The following MAML1 variants were observed in gnomAD, a reference collection of about 807,000 sequenced individuals.
MAML1 encodes mastermind-like protein 1.
A neutral mutation model predicts 77.1 loss-of-function variants in MAML1; 14 were observed. The observed-to-expected ratio is 0.18, with a 90% CI of 0.12 to 0.28. The LOEUF is 0.28. MAML1 is among the 10% of genes least tolerant of loss of function. The pLI is 1.00. For synonymous variants in MAML1, 516 were observed against 551.9 expected, an observed-to-expected ratio of 0.93 and a Z score of 0.91; for missense variants, 1,217 against 1,327.8, an observed-to-expected ratio of 0.92 and a Z score of 1.30.
At chr5:179,758,016 AAC>A (rs1779655320) in intron 1 of MAML1, among the ~76,000 whole-genome samples, 1 of 152,218 alleles carries the variant, frequency 6.6e-6, no homozygotes, top group Non-Finnish European at 1.5e-5. Context: ...AATTACGTAA[AAC>A]ACAGTCATTG....
chr5:179,738,882 G>C (rs1349279222), intron 1 of MAML1, among the ~76,000 whole-genome samples: 1 of 151,942 alleles, frequency 6.6e-6, no homozygotes, highest in Non-Finnish European at 1.5e-5. Context: ...CCAGGCTCAA[G>C]TGATCCTCCC....
rs1779823260 is a variant in MAML1 at position 179,766,529 on chromosome 5, G to A, written c.1519G>A (p.Gly507Arg). The stretch of plus-strand genomic sequence containing the variant: ...GAATCAGAACTCCGCGAATAACCAG[G>A]GGTCTGTGCTGGACTACGGCAATAC... ...NLNQNSANNQGSVLDYGNTKP... is the reference protein window; with the variant it reads ...NLNQNSANNQRSVLDYGNTKP... Residue 507 changes from glycine (G) to arginine (R), a missense_variant, in exon 2 of 5, where the codon GGG becomes AGG. Gly to Arg is a moderately radical substitution (Grantham distance 125). This residue lies in a region of MAML1 where 884 missense variants were observed against 949.3 expected (regional missense o/e 0.93). Coordinates refer to ENST00000292599, the MANE Select transcript of MAML1 (RefSeq NM_014757.5). This position sits in a 1 kb window ranked among gnomAD's most constrained non-coding sequence, Gnocchi z 4.0. The A allele has an allele frequency of 6.2e-7, 1 of 1,602,342 alleles. No individual in the cohort carries two copies. The highest frequency in any genetic ancestry group is 8.5e-7 in the Non-Finnish European group (1 of 1,174,412).
chr5:179,765,923 G>T lies in MAML1; in HGVS notation c.913G>T (p.Ala305Ser), dbSNP rs755439959. The change falls in exon 2 of 5, where the codon GCA (alanine) becomes TCA (serine). Residue 305 changes from alanine (A) to serine (S), a missense_variant. Around this residue, in one of 3 missense-constraint regions of MAML1, gnomAD observed 884 missense variants for 949.3 expected, o/e 0.93. Transcript: ENST00000292599. ...TAATATTAAGACGGAATTCTCTCCA[G>T]CAGCCTTTGAGCAAGAACAGTTAGG... is the stretch of plus-strand genomic sequence containing the variant. ...DINIKTEFSPAAFEQEQLGSP... is the reference protein window; with the variant it reads ...DINIKTEFSPSAFEQEQLGSP... 1.1e-5 allele frequency: 18 copies of T among 1,614,060 alleles called. No individual in the cohort carries two copies. Among genetic ancestry groups the T allele is most frequent in the Non-Finnish European group, 1.5e-5 (18 of 1,180,036 alleles).
chr5:179,742,155 G>A (rs1183436070), intron 1 of MAML1, among the ~76,000 whole-genome samples: 4 of 151,316 alleles, frequency 2.6e-5, no homozygotes, highest in African/African-American at 9.7e-5. Context: ...TTACAGGCGT[G>A]AGCCACCGCA....
intron 1 of MAML1, among the ~76,000 whole-genome samples, chr5:179,756,349 T>C (rs965972836): frequency 1.4e-5 from 2 of 148,138 alleles, no homozygotes; most frequent in South Asian, 2.1e-4. Context: ...GGCGTCAACC[T>C]GGGAGGCCGA....
rs373258271 is a variant in MAML1 at position 179,747,593 on chromosome 5, G to A, written c.315+14166G>A. Among the ~76,000 whole-genome samples, 11 of 152,150 alleles carry A rather than the reference G, an allele frequency of 7.2e-5. No homozygotes were observed. The East Asian group carries it at 2.1e-3, about 29-fold the overall frequency. ...CGGGAGGCCGAGGCGGGCGGATCACGAGGTCAGGAGATCGAGACCATCTTG... is the reference window on the plus strand; with the variant it reads ...CGGGAGGCCGAGGCGGGCGGATCACAAGGTCAGGAGATCGAGACCATCTTG... On this transcript the variant is annotated intron_variant, in intron 1 of 4. Transcript: ENST00000292599.
Position 179,776,274 on chromosome 5 carries a change from C to T in MAML1, c.*1397C>T. On this transcript the variant is annotated 3_prime_UTR_variant, in exon 5 of 5. Transcript: ENST00000292599. ...AAACTGCAGCCCCACTTCTGTTTCC[C>T]TGGAGTCTCCCAATGGATCATTCAG... 1 of 985,866 alleles carries T rather than the reference C, an allele frequency of 1.0e-6. No homozygotes were observed. Among genetic ancestry groups the T allele is most frequent in the Non-Finnish European group, 1.2e-6 (1 of 829,950 alleles). The allele number at this position is 985,866 out of a possible 1,614,324, so 61.1% of individuals were successfully genotyped here.
intron 1 of MAML1, among the ~76,000 whole-genome samples, chr5:179,734,530 G>GA (rs1393903105): frequency 4.0e-5 from 6 of 151,530 alleles, no homozygotes; most frequent in Admixed American, 3.3e-4. Flanking sequence ...TGGGTTAGAA[G>GA]AAAAAAAACC....
chr5:179,752,156 T>C (rs952092827), intron 1 of MAML1, among the ~76,000 whole-genome samples: 6 of 151,176 alleles, frequency 4.0e-5, no homozygotes, highest in Non-Finnish European at 7.4e-5. Context: ...CGAAACCCCC[T>C]CTCTACTAAA....
intron 1 of MAML1, among the ~76,000 whole-genome samples, chr5:179,735,188 TAAATA>T (rs757662592): frequency 3.3e-5 from 5 of 152,026 alleles, no homozygotes; most frequent in South Asian, 2.1e-4. Context: ...AATAAATAAA[TAAATA>T]AAATACAGTA....
chr5:179,753,236 C>A (rs1055443818), intron 1 of MAML1, among the ~76,000 whole-genome samples: 1 of 151,134 alleles, frequency 6.6e-6, no homozygotes, highest in African/African-American at 2.4e-5. Context: ...CGCGCGCGCG[C>A]GCGTGCTGGG....
Position 179,732,831 on chromosome 5 carries a change from G to A in MAML1, c.-282G>A. 1 of 209,698 alleles carries A rather than the reference G, an allele frequency of 4.8e-6. No individual in the cohort carries two copies. The highest frequency in any genetic ancestry group is 9.4e-6 in the Non-Finnish European group (1 of 106,016). The allele number at this position is 209,698 out of a possible 1,614,324, so 13.0% of individuals were successfully genotyped here. A position where few individuals can be genotyped will look rare whatever the true frequency, so the allele number is the denominator to read the frequency against. On this transcript the variant is annotated 5_prime_UTR_variant, in exon 1 of 5. Transcript: ENST00000292599. ...GGCCCCGCCTTCTTCCGAGAGGCCCGAAAACAATTTTAAGATGGCGGCCGC... is the reference window on the plus strand; with the variant it reads ...GGCCCCGCCTTCTTCCGAGAGGCCCAAAAACAATTTTAAGATGGCGGCCGC...
At position 179,765,339 on chromosome 5, in the gene MAML1, C is replaced by T; in HGVS notation, c.329C>T (p.Thr110Ile). ...AATGTTTTTCAGCATCTTCATGATACAGTTAAGAGGAATCTTGACAGCGCC... is the reference window on the plus strand; with the variant it reads ...AATGTTTTTCAGCATCTTCATGATATAGTTAAGAGGAATCTTGACAGCGCC... ...HGRPATHLHD[T>I]VKRNLDSATS... Residue 110 changes from threonine to isoleucine, a missense_variant, in exon 2 of 5, where the codon ACA (threonine) becomes ATA (isoleucine). This residue lies in a region of MAML1 where 312 missense variants were observed against 331.4 expected (regional missense o/e 0.94). Coordinates refer to ENST00000292599, the MANE Select transcript of MAML1 (RefSeq NM_014757.5). The T allele has an allele frequency of 1.9e-6, 3 of 1,595,620 alleles. No individual in the cohort carries two copies. The highest frequency in any genetic ancestry group is 1.1e-5 in the South Asian group (1 of 88,394).
rs1779441063 is a variant in MAML1 at position 179,749,249 on chromosome 5, C to G, written c.315+15822C>G. Among the ~76,000 whole-genome samples, 3 of 152,172 alleles carry G rather than the reference C, an allele frequency of 2.0e-5. No homozygotes were observed. The South Asian group carries it at 6.2e-4, about 32-fold the overall frequency. ...TCAAGCGATTCTCCTGCCTCAGCCT[C>G]CCGAGTAGCTGAGATTACAGGCATG... On this transcript the variant is annotated intron_variant, in intron 1 of 4. Transcript: ENST00000292599.
Position 179,733,092 on chromosome 5 carries a change from G to A in MAML1, c.-21G>A. 7.4e-7 allele frequency: 1 copy of A among 1,345,068 alleles called. No individual in the cohort carries two copies. Among genetic ancestry groups the A allele is most frequent in the Non-Finnish European group, 9.5e-7 (1 of 1,048,930 alleles). 83.3% of individuals were successfully genotyped at this position (1,345,068 alleles called of 1,614,324 possible). Reference sequence around the variant, plus strand: ...CCCCGAGAGGCCCGGCCCCGGGCCCGGCCCGTGCAGCCCGCGGCCCATGGT... The same window carrying A: ...CCCCGAGAGGCCCGGCCCCGGGCCCAGCCCGTGCAGCCCGCGGCCCATGGT... On this transcript the variant is annotated 5_prime_UTR_variant, in exon 1 of 5. Coordinates refer to ENST00000292599, the MANE Select transcript of MAML1 (RefSeq NM_014757.5).
intron 1 of MAML1, among the ~76,000 whole-genome samples, chr5:179,750,784 A>G (rs1219752418): frequency 2.0e-5 from 3 of 151,892 alleles, no homozygotes; most frequent in Non-Finnish European, 4.4e-5. Context: ...ATTGAATGAG[A>G]TGATGAGGAA....
At position 179,765,434 on chromosome 5, in the gene MAML1, C is replaced by T. The variant is rs745817360; in HGVS notation, c.424C>T (p.Arg142Trp). The T allele has an allele frequency of 2.5e-6, 4 of 1,614,188 alleles. No individual in the cohort carries two copies. The highest frequency in any genetic ancestry group is 1.1e-5 in the South Asian group (1 of 91,076). ...DLFPGHKKTR[R>W]EAPLGVAISS... The stretch of plus-strand genomic sequence containing the variant: ...CTTTCCTGGGCATAAGAAGACTCGC[C>T]GGGAGGCCCCTCTGGGAGTTGCCAT... Residue 142 changes from arginine to tryptophan, a missense_variant, in exon 2 of 5, where the codon CGG (arginine) becomes TGG (tryptophan). Physicochemically the swap from Arg to Trp is moderately radical, Grantham distance 101 (BLOSUM62 -3). Transcript: ENST00000292599.
chr5:179,740,910 CTT>C (rs1164291886), intron 1 of MAML1, among the ~76,000 whole-genome samples: 1 of 152,106 alleles, frequency 6.6e-6, no homozygotes, highest in African/African-American at 2.4e-5. Flanking sequence ...CATTTTCACT[CTT>C]TTTTTCCCCT....
At chr5:179,772,157 CG>C (rs1756009215) in intron 4 of MAML1, among the ~76,000 whole-genome samples, 1 of 152,184 alleles carries the variant, frequency 6.6e-6, no homozygotes, top group Non-Finnish European at 1.5e-5. Flanking sequence ...CTTGGTCTGT[CG>C]CCCAGGCTGC....
Sources: gnomAD v4.1 joint callset for allele counts (sites outside exome capture counted in the v4.1 genomes callset) on GRCh38, gnomAD v4.1.1 for gene constraint, gnomAD v4.1.1 regional missense constraint, Gnocchi (gnomAD v3.1) non-coding constraint, MANE v1.5 for transcripts, NCBI Gene and HGNC (gene_info 2026-07-23, HGNC 2026-07-21) for gene names.